LRRC63: variants seen among roughly 807,000 people sequenced by gnomAD.
LRRC63 encodes leucine-rich repeat-containing protein 63.
In LRRC63, 40 loss-of-function variants were observed where a neutral mutation model predicts 49.5. The observed-to-expected ratio is 0.81, with a 90% CI of 0.63 to 1.05. LRRC63 has a LOEUF of 1.05. Among genes scored for constraint, LRRC63 ranks in the 50% least tolerant of loss-of-function variants. LRRC63 has a pLI of 0.00. For synonymous variants in LRRC63, 191 were observed against 221.1 expected (o/e 0.86, Z 1.21); for missense variants, 636 against 663.1 (o/e 0.96, Z 0.45).
intron 6 of LRRC63, among the ~76,000 whole-genome samples, chr13:46,248,250 T>C (rs2047272429): frequency 6.6e-6 from 1 of 151,988 alleles, no homozygotes; most frequent in African/African-American, 2.4e-5. Context: ...AAAAGTGAAA[T>C]GACAGATGTA....
exon 10 of LRRC63, chr13:46,276,706 C>T: frequency 8.1e-7 from 1 of 1,229,370 alleles, no homozygotes; most frequent in African/African-American, 1.6e-5. Flanking sequence ...GTCTGTTCTC[C>T]TTCTTGCTAT....
At chr13:46,270,548 G>A (rs1368839893) in intron 9 of LRRC63, 1 of 832,166 alleles carries the variant, frequency 1.2e-6, no homozygotes, top group East Asian at 2.5e-5. Flanking sequence ...AAACATAACA[G>A]AAGGGTTACT....
intron 2 of LRRC63, among the ~76,000 whole-genome samples, chr13:46,226,667 A>G (rs2046585527): frequency 6.6e-6 from 1 of 152,180 alleles, no homozygotes. Context: ...AATCAGGGAA[A>G]TGCATAGAAC....
chr13:46,256,982 C>T (rs1194365642), intron 7 of LRRC63, among the ~76,000 whole-genome samples: 1 of 152,168 alleles, frequency 6.6e-6, no homozygotes, highest in Non-Finnish European at 1.5e-5. Flanking sequence ...ATTAAGGGTT[C>T]TAATCAGCTG....
chr13:46,234,343 T>A (rs182217649), exon 5 of LRRC63: 2 of 1,549,626 alleles, frequency 1.3e-6, no homozygotes, highest in South Asian at 2.4e-5. Context: ...ATGCACTTAA[T>A]CTGAAGGTAT....
At chr13:46,217,840 A>G (rs2046296539) in intron 2 of LRRC63, among the ~76,000 whole-genome samples, 1 of 152,054 alleles carries the variant, frequency 6.6e-6, no homozygotes, top group Admixed American at 6.5e-5. Flanking sequence ...GGACTTATTT[A>G]TTTCTGCCTG....
intron 5 of LRRC63, among the ~76,000 whole-genome samples, chr13:46,239,577 A>T (rs577086459): frequency 2.6e-5 from 4 of 152,178 alleles, no homozygotes; most frequent in Non-Finnish European, 5.9e-5. Flanking sequence ...AGCTTGTACT[A>T]TTTCTGCTGA....
chr13:46,262,967 C>T (rs1338694239), intron 8 of LRRC63, among the ~76,000 whole-genome samples: 2 of 152,074 alleles, frequency 1.3e-5, no homozygotes, highest in African/African-American at 4.8e-5. Flanking sequence ...TTTACCTTTG[C>T]TTTTAAAATA....
rs559337213 is a variant in LRRC63, at chr13:46,243,896, A to T, written c.991-2631A>T. On this transcript the variant is annotated intron_variant, in intron 5 of 9. Transcript: ENST00000595396. ...ATTGATAAAGAATAAATCTTATATC[A>T]CTAAAAGATGAATATGCAATAAGAT... Among the ~76,000 whole-genome samples the T allele has an allele frequency of 1.2e-4, 18 of 152,360 alleles. No homozygotes were observed. In the South Asian group the frequency reaches 1.7e-3, roughly 14 times the overall value.
chr13:46,231,873 T>C (rs954734655), intron 4 of LRRC63, among the ~76,000 whole-genome samples: 2 of 143,114 alleles, frequency 1.4e-5, no homozygotes, highest in African/African-American at 5.3e-5. Flanking sequence ...TGGAGAGCTG[T>C]GGCAAGATCT....
At chr13:46,233,825 T>C (rs968293626) in intron 4 of LRRC63, among the ~76,000 whole-genome samples, 2 of 152,228 alleles carry the variant, frequency 1.3e-5, no homozygotes, top group African/African-American at 4.8e-5. Flanking sequence ...TGTTGCTTAT[T>C]AATTTTATGA....
chr13:46,234,470 T>G, intron 5 of LRRC63, 121 bp downstream of exon 5: 1 of 940,378 alleles, frequency 1.1e-6, no homozygotes, highest in East Asian at 2.8e-5. Flanking sequence ...CAATAGAGAT[T>G]TCTTAGGAAC....
chr13:46,228,114 G>A (rs1179644372), exon 3 of LRRC63: 1 of 1,550,298 alleles, frequency 6.5e-7, no homozygotes, highest in Admixed American at 2.0e-5. Context: ...GACACTAAGA[G>A]TTACTGAATT....
chr13:46,255,467 T>C (rs903804404), intron 7 of LRRC63, among the ~76,000 whole-genome samples: 1 of 151,858 alleles, frequency 6.6e-6, no homozygotes, highest in African/African-American at 2.4e-5. Flanking sequence ...AAAAAATACA[T>C]AGAGCCTGGG....
At chr13:46,261,580 T>C (rs2047615020) in intron 7 of LRRC63, among the ~76,000 whole-genome samples, 1 of 152,178 alleles carries the variant, frequency 6.6e-6, no homozygotes, top group African/African-American at 2.4e-5. Flanking sequence ...AGAAAATACA[T>C]TTCTGTTACT....
intron 6 of LRRC63, among the ~76,000 whole-genome samples, chr13:46,247,051 G>A (rs528710445): frequency 2.0e-4 from 31 of 152,236 alleles, no homozygotes; most frequent in Non-Finnish European, 4.3e-4. Context: ...AATCAGATAT[G>A]AGATGAGCTA....
In LRRC63 at chr13:46,270,086, G is replaced by A. The variant is rs548692843; in HGVS notation, c.1550+3114G>A. 173 of 602,664 alleles carry A rather than the reference G, an allele frequency of 2.9e-4. 1 individual carries two copies. Among genetic ancestry groups the A allele is most frequent in the Non-Finnish European group, 4.3e-4 (144 of 332,308 alleles). The allele number at this position is 602,664 out of a possible 1,614,324, so 37.3% of individuals were successfully genotyped here. On this transcript the variant is annotated intron_variant, in intron 9 of 9. Transcript: ENST00000595396. ...GGCGCCTGAGGTCACCATGGCTACC[G>A]AGCGCCAAACCGCAGAGCCGGTGGT... is the stretch of plus-strand genomic sequence containing the variant.
chr13:46,235,539 A>G (rs943560639), intron 5 of LRRC63, among the ~76,000 whole-genome samples: 3 of 152,190 alleles, frequency 2.0e-5, no homozygotes, highest in Non-Finnish European at 1.5e-5. Context: ...AAGAGAGGGG[A>G]AAATGTGATT....
intron 5 of LRRC63, 87 bp downstream of exon 5, chr13:46,234,436 G>A (rs2138438846): frequency 8.0e-7 from 1 of 1,256,776 alleles, no homozygotes; most frequent in African/African-American, 1.5e-5. Flanking sequence ...AGTTTCCATG[G>A]TATTGAGGGG....
Sources: allele counts gnomAD v4.1 joint callset (sites outside exome capture counted in the v4.1 genomes callset), GRCh38; gene constraint gnomAD v4.1.1; transcripts MANE v1.5; gene names NCBI Gene and HGNC (gene_info 2026-07-23, HGNC 2026-07-21).